Variants in RRM1 observed in about 807,000 individuals in gnomAD.
RRM1 encodes the protein ribonucleoside-diphosphate reductase large subunit.
In RRM1, 19 loss-of-function variants were observed where a neutral mutation model predicts 101.5. The ratio of observed to expected loss-of-function variants is 0.19; its 90% confidence interval spans 0.13 to 0.27. RRM1 has a LOEUF of 0.27. Ranked by LOEUF, RRM1 falls within the 10% of genes least tolerant of loss-of-function variation. The pLI is 1.00. For missense variants in RRM1, 500 were observed against 962.9 expected (o/e 0.52, Z 6.36); for synonymous variants, 298 against 323.4 (o/e 0.92, Z 0.84).
intron 2 of RRM1, among the ~76,000 whole-genome samples, chr11:4,104,101 ACCCTGTC>A (rs1037584714): frequency 3.5e-4 from 53 of 152,084 alleles, no homozygotes; most frequent in Admixed American, 3.4e-3. Context: ...ACAGAATGAG[ACCCTGTC>A]TCAAAAAGAA....
chr11:4,131,479 T>A (rs551489556), intron 15 of RRM1, among the ~76,000 whole-genome samples: 80 of 152,342 alleles, frequency 5.3e-4, no homozygotes, highest in African/African-American at 1.8e-3. Context: ...CTTTGTGTTT[T>A]AAAAACTTGA....
At chr11:4,096,006 C>G (rs1041607789) in intron 1 of RRM1, among the ~76,000 whole-genome samples, 2 of 152,150 alleles carry the variant, frequency 1.3e-5, no homozygotes, top group Admixed American at 1.3e-4. Context: ...CTATTTTGTC[C>G]TCTAGGCTGT....
chr11:4,114,153 T>TA (rs905068297), intron 7 of RRM1, among the ~76,000 whole-genome samples: 132 of 148,160 alleles, frequency 8.9e-4, no homozygotes, highest in Admixed American at 2.7e-3. Flanking sequence ...AAAGAAAAGA[T>TA]AAAAAAAAAG....
chr11:4,124,130 G>A (rs376161367), intron 12 of RRM1, among the ~76,000 whole-genome samples: 2 of 152,274 alleles, frequency 1.3e-5, no homozygotes, highest in East Asian at 3.9e-4. Flanking sequence ...CTGGGGGAAG[G>A]GAGATAGAAG....
At chr11:4,133,713 C>A in intron 17 of RRM1, 55 bp downstream of exon 17, 2 of 974,388 alleles carry the variant, frequency 2.1e-6, no homozygotes, top group South Asian at 1.4e-5. Context: ...CATTGTGGTA[C>A]CTCCTCACTC....
Position 4,118,398 on chromosome 11 carries a change from G to A in RRM1, c.729G>A (p.Lys243=), listed in dbSNP as rs368505130. 6.2e-6 allele frequency: 10 copies of A among 1,613,960 alleles called. No homozygotes were observed. In the African/African-American group the frequency reaches 9.3e-5, roughly 15 times the overall value. Residue 243 remains lysine, a synonymous_variant, in exon 8 of 19, where the codon AAG becomes AAA. Coordinates refer to ENST00000300738, the MANE Select transcript of RRM1 (RefSeq NM_001033.5). ...DTLKQCALIS[K]SAGGIGVAVS... Reference sequence around the variant, plus strand: ...TAAAGCAATGTGCATTGATTTCTAAGTCTGCTGGAGGAATTGGTGTTGCTG... The same window carrying A: ...TAAAGCAATGTGCATTGATTTCTAAATCTGCTGGAGGAATTGGTGTTGCTG...
chr11:4,124,009 T>TGGTCTGTATGATACACCAGAGACA (rs2094585731), intron 12 of RRM1, among the ~76,000 whole-genome samples: 1 of 151,878 alleles, frequency 6.6e-6, no homozygotes, highest in Non-Finnish European at 1.5e-5. Context: ...TTGGAAAGAG[T>TGGTCTGTATGATACACCAGAGACA]GGTCTGTATG....
intron 3 of RRM1, among the ~76,000 whole-genome samples, 159 bp from the exon 4 acceptor site, chr11:4,107,276 T>G (rs551929111): frequency 1.3e-5 from 2 of 152,358 alleles, no homozygotes; most frequent in Admixed American, 1.3e-4. Flanking sequence ...ACATATTTCT[T>G]CAACATATAT....
chr11:4,112,762 T>A (rs1801342769), intron 7 of RRM1, among the ~76,000 whole-genome samples: 2 of 152,142 alleles, frequency 1.3e-5, no homozygotes, highest in South Asian at 4.1e-4. Flanking sequence ...TGTGGTAGTC[T>A]AGATTAGGGA....
intron 1 of RRM1, among the ~76,000 whole-genome samples, chr11:4,095,368 T>G (rs912706023): frequency 3.0e-5 from 4 of 133,328 alleles, no homozygotes. Flanking sequence ...GATGATTAGC[T>G]TATTACAGAT....
In RRM1 at chr11:4,126,013, T is replaced by TA. The variant is rs142904250; in HGVS notation, c.1321-670dup. Among the ~76,000 whole-genome samples, 996 of 152,322 alleles carry TA rather than the reference T, an allele frequency of 6.5e-3. 4 individuals are homozygous for TA. The highest frequency in any genetic ancestry group is 0.022 in the African/African-American group (922 of 41,560). ...GTATTCATTCAACATTATCAAGACT[T>TA]ACTGTGTGCCAGATGTGTTGCTAGT... is the stretch of plus-strand genomic sequence containing the variant. On this transcript the variant is annotated intron_variant, in intron 12 of 18. Transcript: ENST00000300738.
intron 4 of RRM1, among the ~76,000 whole-genome samples, chr11:4,107,803 CA>C (rs1180776850): frequency 1.3e-5 from 2 of 152,122 alleles, no homozygotes; most frequent in Non-Finnish European, 2.9e-5. Flanking sequence ...ATACAGTTTT[CA>C]TTGATACTTT....
At position 4,126,850 on chromosome 11, in the gene RRM1, C is replaced by T. The variant is rs749332008; in HGVS notation, c.1470+17C>T. On this transcript the variant is annotated intron_variant, in intron 13 of 18. Transcript: ENST00000300738. The stretch of plus-strand genomic sequence containing the variant: ...GTACCAGAGGTATGAATAGATTTCT[C>T]TGCTTATTGGTAATTATTGAAATCC... The T allele has an allele frequency of 1.8e-5, 28 of 1,582,904 alleles. No homozygotes were observed. The highest frequency in any genetic ancestry group is 2.1e-5 in the Non-Finnish European group (24 of 1,159,062).
At position 4,123,397 on chromosome 11, in the gene RRM1, A is replaced by G. The variant is rs776832714; in HGVS notation, c.1320+13A>G. 6.2e-7 allele frequency: 1 copy of G among 1,606,436 alleles called. No homozygotes were observed. The highest frequency in any genetic ancestry group is 8.5e-7 in the Non-Finnish European group (1 of 1,173,066). Reference sequence around the variant, plus strand: ...CAGCAAAGATGAGGTAGGTAGAAAAAATTCTTCCTAGAGTACTAAGAAGAG... The same window carrying G: ...CAGCAAAGATGAGGTAGGTAGAAAAGATTCTTCCTAGAGTACTAAGAAGAG... On this transcript the variant is annotated intron_variant, in intron 12 of 18. Coordinates refer to ENST00000300738, the MANE Select transcript of RRM1 (RefSeq NM_001033.5).
Position 4,101,992 on chromosome 11 carries a change from G to T in RRM1, c.20-1G>T. Reference sequence around the variant, plus strand: ...ATTGCTAACATGATTTGATTCTTTAGATGGCCGCCAAGAACGAGTCATGTT... The same window carrying T: ...ATTGCTAACATGATTTGATTCTTTATATGGCCGCCAAGAACGAGTCATGTT... On this transcript the variant is annotated splice_acceptor_variant, in intron 1 of 18. Transcript: ENST00000300738. LOFTEE classifies it high-confidence loss of function. 1 of 1,555,800 alleles carries T rather than the reference G, an allele frequency of 6.4e-7. No homozygotes were observed. Among genetic ancestry groups the T allele is most frequent in the Non-Finnish European group, 8.8e-7 (1 of 1,131,362 alleles).
At chr11:4,136,763 T>TTTTA (rs753518990) in intron 18 of RRM1, among the ~76,000 whole-genome samples, 3,068 of 150,532 alleles carry the variant, frequency 0.02, 109 homozygotes, top group African/African-American at 0.069. Context: ...TGTTTTTTCT[T>TTTTA]TTTATTTATT....
intron 18 of RRM1, 85 bp downstream of exon 18, chr11:4,135,355 AAAT>A: frequency 1.9e-6 from 2 of 1,026,384 alleles, no homozygotes; most frequent in Middle Eastern, 4.4e-4. Context: ...GCCACCTATT[AAAT>A]ATTATCACCT....
chr11:4,133,138 G>A (rs1028499236), intron 16 of RRM1, among the ~76,000 whole-genome samples: 1 of 152,102 alleles, frequency 6.6e-6, no homozygotes, highest in South Asian at 2.1e-4. Context: ...TTAGATATGT[G>A]TATATATTAT....
intron 2 of RRM1, among the ~76,000 whole-genome samples, chr11:4,104,753 G>A (rs879896771): frequency 1.3e-5 from 2 of 152,242 alleles, no homozygotes; most frequent in South Asian, 2.1e-4. Context: ...TTTGAACCTC[G>A]GGGGCGGAGG....
Sources: allele counts gnomAD v4.1 joint callset (sites outside exome capture counted in the v4.1 genomes callset), GRCh38; gene constraint gnomAD v4.1.1; transcripts MANE v1.5; gene names NCBI Gene and HGNC (gene_info 2026-07-23, HGNC 2026-07-21).